ZBTB7C: variants seen among roughly 807,000 people sequenced by gnomAD.
ZBTB7C encodes the protein zinc finger and BTB domain-containing protein 7C.
In ZBTB7C, 8 loss-of-function variants were observed where a neutral mutation model predicts 25.7. The observed-to-expected ratio is 0.31, with a 90% CI of 0.18 to 0.56. The LOEUF is 0.56. Among genes scored for constraint, ZBTB7C ranks in the 20% least tolerant of loss-of-function variants. The pLI is 0.91. For missense variants in ZBTB7C, 824 were observed against 855.2 expected (o/e 0.96, Z 0.46); for synonymous variants, 394 against 369.0 (o/e 1.07, Z -0.78).
At chr18:48,126,671 T>A (rs1334368603) in intron 3 of ZBTB7C, among the ~76,000 whole-genome samples, 3 of 152,178 alleles carry the variant, frequency 2.0e-5, no homozygotes, top group Non-Finnish European at 4.4e-5. Flanking sequence ...GTTTCATCAA[T>A]CCCTCTGAGG....
intron 2 of ZBTB7C, among the ~76,000 whole-genome samples, chr18:48,271,378 A>C (rs758728005): frequency 1.3e-4 from 20 of 151,936 alleles, no homozygotes; most frequent in Non-Finnish European, 2.8e-4. Context: ...ATGCATCAAA[A>C]TTACATCATG....
intron 3 of ZBTB7C, among the ~76,000 whole-genome samples, chr18:48,053,596 T>C (rs956481715): frequency 6.6e-6 from 1 of 152,190 alleles, no homozygotes; most frequent in Non-Finnish European, 1.5e-5. Context: ...ACCCCATTTT[T>C]CAAGTAGGGA....
At position 48,118,973 on chromosome 18, in the gene ZBTB7C, T is replaced by A. The variant is rs186771288; in HGVS notation, c.-17+66961A>T. ...TTAATCTTCTTTTACCTTTATGATT[T>A]CCTAAATTTTCTATAATAAATTATT... On this transcript the variant is annotated intron_variant, in intron 3 of 4. Transcript: ENST00000590800. Among the ~76,000 whole-genome samples the A allele has an allele frequency of 1.0e-3, 154 of 152,266 alleles. 1 individual carries two copies. Among genetic ancestry groups the A allele is most frequent in the African/African-American group, 3.6e-3 (151 of 41,574 alleles).
chr18:48,234,189 T>C (rs2145363173), intron 2 of ZBTB7C, among the ~76,000 whole-genome samples: 1 of 152,098 alleles, frequency 6.6e-6, no homozygotes, highest in Non-Finnish European at 1.5e-5. Context: ...TCTGCAACGC[T>C]ATAGTCCACA....
intron 3 of ZBTB7C, among the ~76,000 whole-genome samples, chr18:48,084,859 C>G (rs188761653): frequency 1.3e-5 from 2 of 152,190 alleles, no homozygotes; most frequent in Non-Finnish European, 2.9e-5. Context: ...GAGAGGGACT[C>G]TGTCACCCGA....
chr18:48,116,101 G>T (rs538448452), intron 3 of ZBTB7C, among the ~76,000 whole-genome samples: 2 of 152,076 alleles, frequency 1.3e-5, no homozygotes, highest in East Asian at 3.9e-4. Flanking sequence ...ATAAGAAAAA[G>T]AAAGTTAATC....
At chr18:48,254,809 A>G (rs1451978295) in intron 2 of ZBTB7C, among the ~76,000 whole-genome samples, 2 of 152,122 alleles carry the variant, frequency 1.3e-5, no homozygotes, top group Non-Finnish European at 2.9e-5. Flanking sequence ...CAGTAGCCCT[A>G]TGATTAAACC....
At chr18:48,216,107 A>T (rs2145269329) in intron 2 of ZBTB7C, among the ~76,000 whole-genome samples, 1 of 152,250 alleles carries the variant, frequency 6.6e-6, no homozygotes, top group Non-Finnish European at 1.5e-5. Flanking sequence ...GTTTCTATGG[A>T]ATCCCCTTGG....
At position 48,170,184 on chromosome 18, in the gene ZBTB7C, A is replaced by G. The variant is rs530298187; in HGVS notation, c.-17+15750T>C. Among the ~76,000 whole-genome samples the G allele has an allele frequency of 1.1e-4, 16 of 152,234 alleles. No homozygotes were observed. The South Asian group carries it at 3.3e-3, about 32-fold the overall frequency. On this transcript the variant is annotated intron_variant, in intron 3 of 4. Coordinates refer to ENST00000590800, the MANE Select transcript of ZBTB7C (RefSeq NM_001318841.2). ...CTGCTTAACTGCCTTCCACTATATC[A>G]CCAGCAAGTGGACCAAAGACCCTGC...
At chr18:48,169,297 C>G (rs1226707728) in intron 3 of ZBTB7C, among the ~76,000 whole-genome samples, 1 of 152,170 alleles carries the variant, frequency 6.6e-6, no homozygotes, top group South Asian at 2.1e-4. Flanking sequence ...GTCCTTACCA[C>G]TCGATTGGAC....
At chr18:48,342,962 T>G (rs2046639567) in intron 1 of ZBTB7C, among the ~76,000 whole-genome samples, 1 of 152,198 alleles carries the variant, frequency 6.6e-6, no homozygotes, top group South Asian at 2.1e-4. Context: ...GCTGAATTCA[T>G]ACTTAGTGAC....
intron 2 of ZBTB7C, among the ~76,000 whole-genome samples, chr18:48,256,847 A>G (rs2044035667): frequency 6.6e-6 from 1 of 152,086 alleles, no homozygotes; most frequent in African/African-American, 2.4e-5. Context: ...GAGGTAATAC[A>G]GGTAATACAA....
intron 3 of ZBTB7C, among the ~76,000 whole-genome samples, chr18:48,137,774 A>G (rs1462949212): frequency 1.3e-5 from 2 of 152,258 alleles, no homozygotes; most frequent in African/African-American, 4.8e-5. Context: ...AAACAGACAT[A>G]TCACGCAGGC....
At chr18:48,221,339 TCCTAGTCTCCTCTACGCTGTC>T in intron 2 of ZBTB7C, among the ~76,000 whole-genome samples, 1 of 150,930 alleles carries the variant, frequency 6.6e-6, no homozygotes, top group African/African-American at 2.4e-5. Flanking sequence ...CTCTATGCTG[TCCTAGTCTCCTCTACGCTGTC>T]CCTAGTCTCC....
intron 3 of ZBTB7C, among the ~76,000 whole-genome samples, chr18:48,090,461 T>C (rs1424436969): frequency 6.6e-6 from 1 of 152,246 alleles, no homozygotes; most frequent in East Asian, 1.9e-4. Flanking sequence ...GCAGGCCTTA[T>C]AGACAAGCAA....
intron 2 of ZBTB7C, among the ~76,000 whole-genome samples, chr18:48,221,512 TCTC>T (rs1322036103): frequency 6.7e-6 from 1 of 148,198 alleles, no homozygotes; most frequent in African/African-American, 2.5e-5. Flanking sequence ...ACTGTCCTTG[TCTC>T]CTCTATTCTG....
chr18:48,243,151 C>G (rs2043576120), intron 2 of ZBTB7C, among the ~76,000 whole-genome samples: 2 of 151,396 alleles, frequency 1.3e-5, no homozygotes, highest in South Asian at 2.1e-4. Flanking sequence ...ATAATTCCAG[C>G]TACTTGGGAG....
chr18:48,295,875 G>C (rs1272316222), intron 2 of ZBTB7C, among the ~76,000 whole-genome samples: 1 of 152,160 alleles, frequency 6.6e-6, no homozygotes, highest in Non-Finnish European at 1.5e-5. Flanking sequence ...GGTCAGGTGG[G>C]GGACCCATCC....
At chr18:48,230,372 C>T (rs2043219479) in intron 2 of ZBTB7C, among the ~76,000 whole-genome samples, 1 of 152,188 alleles carries the variant, frequency 6.6e-6, no homozygotes, top group African/African-American at 2.4e-5. Flanking sequence ...AAGGCCTGAA[C>T]AGGACAGTTG....
Sources: allele counts gnomAD v4.1 joint callset (sites outside exome capture counted in the v4.1 genomes callset), GRCh38; gene constraint gnomAD v4.1.1; transcripts MANE v1.5; gene names NCBI Gene and HGNC (gene_info 2026-07-23, HGNC 2026-07-21).